CDNF: variants seen among roughly 807,000 people sequenced by gnomAD.
CDNF encodes the protein ARMET-like protein 1.
A neutral mutation model predicts 14.8 loss-of-function variants in CDNF; 9 were observed. The ratio of observed to expected loss-of-function variants is 0.61; its 90% CI spans 0.37 to 1.06. The LOEUF (loss-of-function observed/expected upper bound fraction) is 1.06, where lower values mean the gene tolerates loss of function less well. Among genes scored for constraint, CDNF ranks in the 50% least tolerant of loss-of-function variants. CDNF has a pLI of 0.01. For missense variants in CDNF, 228 were observed against 228.4 expected (o/e 1.00, Z 0.01); for synonymous variants, 86 against 87.2 (o/e 0.99, Z 0.07).
intron 1 of CDNF, among the ~76,000 whole-genome samples, chr10:14,829,628 G>T (rs542867967): frequency 8.1e-4 from 122 of 150,762 alleles, no homozygotes; most frequent in East Asian, 7.4e-3. Context: ...AGTTTTTTTT[G>T]TTTGTTTGTT....
chr10:14,837,667 G>A (rs1303698877), intron 1 of CDNF, among the ~76,000 whole-genome samples, 165 bp downstream of exon 1: 13 of 152,226 alleles, frequency 8.5e-5, no homozygotes, highest in Non-Finnish European at 8.8e-5. Flanking sequence ...GGCCCGGCTT[G>A]AGCTTTTTAC....
At chr10:14,826,949 C>T (rs1181088445) in intron 2 of CDNF, among the ~76,000 whole-genome samples, 1 of 150,212 alleles carries the variant, frequency 6.7e-6, no homozygotes, top group Admixed American at 6.7e-5. Context: ...GGCACAGTGG[C>T]TCACACCTGT....
intron 2 of CDNF, 89 bp from the exon 3 acceptor site, chr10:14,825,709 A>C (rs1833773875): frequency 7.1e-7 from 1 of 1,411,738 alleles, no homozygotes; most frequent in Admixed American, 1.8e-5. Flanking sequence ...ATCAAGAAGA[A>C]AGAGGTAGGC....
chr10:14,819,997 GGT>G lies in CDNF; in HGVS notation c.545_546del (p.His182ProfsTer18). The G allele has an allele frequency of 6.2e-7, 1 of 1,613,620 alleles. No homozygotes were observed. Among genetic ancestry groups the G allele is most frequent in the South Asian group, 1.1e-5 (1 of 91,030 alleles). ...QELAPKYAATHPKTEL is the reference protein window; with the variant it reads ...QELAPKYAATXPKTEL ...ATTGGAGATCAGAGCTCTGTTTTGG[GGT>G]GTGTCGCTGCATACTTGGGGGCCAG... On this transcript the variant is annotated frameshift_variant, in exon 4 of 4. Coordinates refer to ENST00000465530, the MANE Select transcript of CDNF (RefSeq NM_001029954.3). LOFTEE classifies it high-confidence loss of function.
intron 2 of CDNF, among the ~76,000 whole-genome samples, chr10:14,827,222 C>G (rs929527673): frequency 6.6e-6 from 1 of 151,608 alleles, no homozygotes; most frequent in Non-Finnish European, 1.5e-5. Flanking sequence ...AGAGGGAGAC[C>G]CTGTCTCAAA....
intron 1 of CDNF, among the ~76,000 whole-genome samples, chr10:14,830,022 G>A (rs760947562): frequency 2.6e-5 from 4 of 152,188 alleles, no homozygotes; most frequent in South Asian, 2.1e-4. Flanking sequence ...ATACTCATAC[G>A]TCTCAAAACT....
intron 1 of CDNF, among the ~76,000 whole-genome samples, chr10:14,834,855 G>T (rs1807029733): frequency 6.6e-6 from 1 of 152,198 alleles, no homozygotes. Flanking sequence ...GAGGGAGACA[G>T]GTAGCAGGAA....
rs961675013 is a variant in CDNF, at chr10:14,819,632, T to C, written c.*348A>G. 2 of 177,480 alleles carry C rather than the reference T, an allele frequency of 1.1e-5. No individual in the cohort carries two copies. Among genetic ancestry groups the C allele is most frequent in the African/African-American group, 4.7e-5 (2 of 42,448 alleles). 11.0% of individuals were successfully genotyped at this position (177,480 alleles called of 1,614,324 possible). The stretch of plus-strand genomic sequence containing the variant: ...GTTTTAGTCCAATATATTTTAAAAT[T>C]GCATCCAGAGAGGAGTCTCTGAATG... On this transcript the variant is annotated 3_prime_UTR_variant, in exon 4 of 4. Transcript: ENST00000465530.
rs773823713 is a variant in CDNF, at chr10:14,828,151, G to T, written c.237C>A (p.Asn79Lys). The T allele has an allele frequency of 2.5e-6, 4 of 1,613,730 alleles. No individual in the cohort carries two copies. In the South Asian group the frequency reaches 4.4e-5, roughly 18 times the overall value. The change falls in exon 2 of 4, where the codon AAC becomes AAA. Residue 79 changes from asparagine (N) to lysine (K), a missense_variant. Physicochemically the swap from Asn to Lys is moderately conservative, Grantham distance 94. Coordinates refer to ENST00000465530, the MANE Select transcript of CDNF (RefSeq NM_001029954.3). ...AAGGTGAAATTTACTATACCAGGCG[G>T]TTTTCTTTTCCTTTGGTGTCCAAGC... ...SFCLDTKGKE[N>K]RLCYYLGATK...
intron 2 of CDNF, 91 bp from the exon 3 acceptor site, chr10:14,825,711 G>A (rs1833773915): frequency 7.2e-7 from 1 of 1,397,878 alleles, no homozygotes; most frequent in African/African-American, 1.4e-5. Context: ...CAAGAAGAAA[G>A]AGGTAGGCTG....
At chr10:14,832,775 G>C (rs1450930837) in intron 1 of CDNF, among the ~76,000 whole-genome samples, 1 of 151,502 alleles carries the variant, frequency 6.6e-6, no homozygotes, top group East Asian at 1.9e-4. Flanking sequence ...CCGTGGAGTT[G>C]CCATCTGCTG....
intron 1 of CDNF, among the ~76,000 whole-genome samples, chr10:14,834,551 C>A (rs1833870994): frequency 6.6e-6 from 1 of 151,908 alleles, no homozygotes; most frequent in Non-Finnish European, 1.5e-5. Flanking sequence ...ACTAACTTGT[C>A]CTTTTCAAGA....
At chr10:14,822,568 T>C (rs1447249005) in intron 3 of CDNF, among the ~76,000 whole-genome samples, 3 of 150,928 alleles carry the variant, frequency 2.0e-5, no homozygotes, top group Admixed American at 2.0e-4. Context: ...AGAGTGAGAC[T>C]GTCAAAAAAA....
chr10:14,823,024 G>C (rs2131621721), intron 3 of CDNF, among the ~76,000 whole-genome samples: 1 of 152,234 alleles, frequency 6.6e-6, no homozygotes, highest in African/African-American at 2.4e-5. Context: ...TAATTTCATG[G>C]CTGATCTGAC....
chr10:14,837,906 G>C lies in CDNF; in HGVS notation c.41C>G (p.Ala14Gly). 2 of 1,607,194 alleles carry C rather than the reference G, an allele frequency of 1.2e-6. No individual in the cohort carries two copies. Among genetic ancestry groups the C allele is most frequent in the Non-Finnish European group, 1.7e-6 (2 of 1,178,350 alleles). The change falls in exon 1 of 4, where the codon GCC (alanine) becomes GGC (glycine). Residue 14 changes from alanine to glycine, a missense_variant. Ala to Gly is a moderately conservative substitution (Grantham distance 60, BLOSUM62 0). Transcript: ENST00000465530. ...ASPVAVVAFC[A>G]GLLVSHPVLT... ...CACCGGGTGAGAGACCAAAAGCCCG[G>C]CGCAAAAGGCCACCACAGCAACTGG...
intron 1 of CDNF, among the ~76,000 whole-genome samples, chr10:14,834,629 A>T (rs780776233): frequency 6.6e-6 from 1 of 152,184 alleles, no homozygotes; most frequent in Non-Finnish European, 1.5e-5. Context: ...TTTCTTCAAC[A>T]AACTGAGCGC....
rs929833880 is a variant in CDNF at position 14,826,056 on chromosome 10, A to G, written c.244-436T>C. On this transcript the variant is annotated intron_variant, in intron 2 of 3. Coordinates refer to ENST00000465530, the MANE Select transcript of CDNF (RefSeq NM_001029954.3). ...GAAGAAGAAGAAGAAGAAGAAGAAG[A>G]AGAAGAAGAAGAAGAAGAAGAAGAA... is the stretch of plus-strand genomic sequence containing the variant. Among the ~76,000 whole-genome samples the G allele has an allele frequency of 8.9e-4, 119 of 133,304 alleles. 5 individuals carry two copies. The highest frequency in any genetic ancestry group is 3.0e-3 in the African/African-American group (95 of 32,154). 87.5% of individuals were successfully genotyped at this position (133,304 alleles called of 152,430 possible). A position where few individuals can be genotyped will look rare whatever the true frequency, so the allele number is the denominator to read the frequency against.
rs1272792830 is a variant in CDNF at position 14,826,068 on chromosome 10, A to G, written c.244-448T>C. ...GAAGAAGAAGAAGAAGAAGAAGAAG[A>G]AGAAGAAGAAGAAGAAGAAGAAGAA... is the stretch of plus-strand genomic sequence containing the variant. On this transcript the variant is annotated intron_variant, in intron 2 of 3. Coordinates refer to ENST00000465530, the MANE Select transcript of CDNF (RefSeq NM_001029954.3). Among the ~76,000 whole-genome samples the G allele has an allele frequency of 2.9e-5, 4 of 139,502 alleles. No homozygotes were observed. The South Asian group carries it at 7.4e-4, about 26-fold the overall frequency. The allele number at this position is 139,502 out of a possible 152,430, so 91.5% of individuals were successfully genotyped here. A position where few individuals can be genotyped will look rare whatever the true frequency, so the allele number is the denominator to read the frequency against.
At chr10:14,825,401 T>C in intron 3 of CDNF, 78 bp downstream of exon 3, 1 of 1,428,752 alleles carries the variant, frequency 7.0e-7, no homozygotes, top group Non-Finnish European at 9.5e-7. Flanking sequence ...ACACTGAATT[T>C]TTAGAAGACA....
Sources: gnomAD v4.1 joint callset for allele counts (sites outside exome capture counted in the v4.1 genomes callset) on GRCh38, gnomAD v4.1.1 for gene constraint, MANE v1.5 for transcripts, NCBI Gene and HGNC (gene_info 2026-07-23, HGNC 2026-07-21) for gene names.